GALNT15: variants seen among roughly 807,000 people sequenced by gnomAD.
The protein encoded by GALNT15 is UDP-GalNAc transferase T15.
Under a neutral mutation model 66.8 loss-of-function variants are expected in GALNT15, and 67 were observed. That is an observed-to-expected ratio of 1.00 (90% CI 0.82 to 1.23). GALNT15 has a LOEUF of 1.23. Ranked by LOEUF, GALNT15 falls within the 50% of genes most tolerant of loss-of-function variation. The pLI is 0.00. For synonymous variants in GALNT15, 313 were observed against 311.5 expected (o/e 1.00, Z -0.05); for missense variants, 827 against 804.3 (o/e 1.03, Z -0.34).
rs1444603795 is a variant in GALNT15, at chr3:16,176,128, T to C, written c.539+438T>C. ...ACACTCTGACTCCACTACATTTTGA[T>C]TTTAGGGTTATTGTTAGTGTTTGCT... On this transcript the variant is annotated intron_variant, in intron 1 of 9. Coordinates refer to ENST00000339732, the MANE Select transcript of GALNT15 (RefSeq NM_054110.5). The surrounding 1 kb of genome is among the most constrained non-coding windows in gnomAD (Gnocchi z 5.6). 6.6e-6 allele frequency among the ~76,000 whole-genome samples: 1 copy of C among 152,178 alleles called. No individual in the cohort carries two copies. Among genetic ancestry groups the C allele is most frequent in the East Asian group, 1.9e-4 (1 of 5,194 alleles).
At chr3:16,234,216 G>A (rs2124916591), downstream of GALNT15, among the ~76,000 whole-genome samples, 1 of 152,322 alleles carries the variant, frequency 6.6e-6, no homozygotes, top group Middle Eastern at 3.4e-3. Flanking sequence ...CTATAGTAGT[G>A]ACACTGAGTG....
the GALNT15 span, among the ~76,000 whole-genome samples, chr3:16,240,293 A>C: frequency 6.6e-6 from 1 of 152,254 alleles, no homozygotes; most frequent in Non-Finnish European, 1.5e-5. Flanking sequence ...AATATTTATT[A>C]AATATCTGTT....
chr3:16,241,779 C>G, the GALNT15 span, among the ~76,000 whole-genome samples: 5 of 152,130 alleles, frequency 3.3e-5, no homozygotes, highest in Non-Finnish European at 7.3e-5. The surrounding 1 kb of genome is among the most constrained non-coding windows in gnomAD (Gnocchi z 4.6). Flanking sequence ...AACTCCTGAC[C>G]TCAGGTGATC....
Position 16,225,267 on chromosome 3 carries a change from C to T in GALNT15, c.1774-2087C>T, listed in dbSNP as rs2063993759. 6.6e-6 allele frequency among the ~76,000 whole-genome samples: 1 copy of T among 152,216 alleles called. No homozygotes were observed. Among genetic ancestry groups the T allele is most frequent in the Non-Finnish European group, 1.5e-5 (1 of 68,040 alleles). On this transcript the variant is annotated intron_variant, in intron 9 of 9. Transcript: ENST00000339732. The surrounding 1 kb of genome is among the most constrained non-coding windows in gnomAD (Gnocchi z 4.4). ...GATCCAAACATCCCCCACCAAACCC[C>T]ACCTCCAGCACTGGGAATTACAATT...
chr3:16,229,352 A>T lies in GALNT15; in HGVS notation c.*1852A>T, dbSNP rs562482147. On this transcript the variant is annotated 3_prime_UTR_variant, in exon 10 of 10. Transcript: ENST00000339732. ...AAAATCAAAGAAAATTTAAAACTCA[A>T]TTCCTCAATTGGGCTGGCCACATTT... The T allele has an allele frequency of 1.1e-6, 1 of 872,844 alleles. No individual in the cohort carries two copies. Among genetic ancestry groups the T allele is most frequent in the African/African-American group, 1.8e-5 (1 of 54,890 alleles). The allele number at this position is 872,844 out of a possible 1,614,324, so 54.1% of individuals were successfully genotyped here. A position where few individuals can be genotyped will look rare whatever the true frequency, so the allele number is the denominator to read the frequency against.
At chr3:16,213,554 G>A (rs1053629542) in intron 6 of GALNT15, among the ~76,000 whole-genome samples, 7 of 151,972 alleles carry the variant, frequency 4.6e-5, no homozygotes, top group African/African-American at 1.7e-4. Context: ...TTGGTCAGTG[G>A]CTGCTCAGCC....
chr3:16,193,669 G>C lies in GALNT15; in HGVS notation c.540-2091G>C, dbSNP rs1037571486. 1.3e-5 allele frequency among the ~76,000 whole-genome samples: 2 copies of C among 152,138 alleles called. No individual in the cohort carries two copies. The highest frequency in any genetic ancestry group is 2.9e-5 in the Non-Finnish European group (2 of 68,020). On this transcript the variant is annotated intron_variant, in intron 1 of 9. Transcript: ENST00000339732. The surrounding 1 kb of genome is among the most constrained non-coding windows in gnomAD (Gnocchi z 4.7). ...CCAAGCTAGGGAGCAGCAAGAGTTG[G>C]CACATCTTAGAAGGTGTTTCCCTCA...
rs916450251 is a variant in GALNT15 at position 16,219,315 on chromosome 3, G to A, written c.1393-88G>A. 2.1e-5 allele frequency: 33 copies of A among 1,545,876 alleles called. No individual in the cohort carries two copies. In the African/African-American group the frequency reaches 4.3e-4, roughly 20 times the overall value. On this transcript the variant is annotated intron_variant, in intron 6 of 9. Transcript: ENST00000339732. This position sits in a 1 kb window ranked among gnomAD's most constrained non-coding sequence, Gnocchi z 4.3. ...CCCTTCCTTCTGTCCTGATCCTTTA[G>A]CTTCTTCCCAGCCACTCCATCCCCA...
chr3:16,196,647 C>T (rs2063642029), intron 2 of GALNT15, among the ~76,000 whole-genome samples: 1 of 152,176 alleles, frequency 6.6e-6, no homozygotes, highest in Admixed American at 6.5e-5. Flanking sequence ...AGGGCCCACC[C>T]CCAGAGTTTC....
chr3:16,238,037 C>T, the GALNT15 span, among the ~76,000 whole-genome samples: 4 of 152,218 alleles, frequency 2.6e-5, no homozygotes, highest in African/African-American at 9.7e-5. This position sits in a 1 kb window ranked among gnomAD's most constrained non-coding sequence, Gnocchi z 4.8. Flanking sequence ...TTTCCCTACA[C>T]TGTTATTCAG....
intron 4 of GALNT15, among the ~76,000 whole-genome samples, chr3:16,210,615 C>T (rs184136882): frequency 4.5e-4 from 69 of 152,218 alleles, no homozygotes; most frequent in African/African-American, 1.5e-3. Flanking sequence ...GTATTTTTCC[C>T]CTAGGGCAGT....
At chr3:16,217,832 G>C (rs909152583) in intron 6 of GALNT15, among the ~76,000 whole-genome samples, 1 of 152,144 alleles carries the variant, frequency 6.6e-6, no homozygotes, top group Non-Finnish European at 1.5e-5. Flanking sequence ...CTCTGGGAAA[G>C]GTCTACGGAG....
At chr3:16,185,844 G>C (rs987919577) in intron 1 of GALNT15, among the ~76,000 whole-genome samples, 1 of 152,098 alleles carries the variant, frequency 6.6e-6, no homozygotes, top group African/African-American at 2.4e-5. Flanking sequence ...CTTTAAACAG[G>C]TCATTTAAGC....
chr3:16,221,380 C>A (rs759728350), intron 8 of GALNT15, among the ~76,000 whole-genome samples: 1 of 151,438 alleles, frequency 6.6e-6, no homozygotes, highest in Non-Finnish European at 1.5e-5. Flanking sequence ...TATGAAACAC[C>A]CTTTTTCATG....
chr3:16,206,369 G>A (rs28480083), intron 3 of GALNT15, among the ~76,000 whole-genome samples: 11,306 of 148,876 alleles, frequency 0.076, 617 homozygotes, highest in African/African-American at 0.15. Context: ...GCGACAGAGT[G>A]AGACCATTTA....
Position 16,228,133 on chromosome 3 carries a change from G to A in GALNT15, c.*633G>A, listed in dbSNP as rs2064043035. On this transcript the variant is annotated 3_prime_UTR_variant, in exon 10 of 10. Transcript: ENST00000339732. ...AGCTGAAAAGCTTCAAGAGATCTAGGAAAAGACATTTTCATGTTAATGAGA... is the reference window on the plus strand; with the variant it reads ...AGCTGAAAAGCTTCAAGAGATCTAGAAAAAGACATTTTCATGTTAATGAGA... 1.2e-5 allele frequency: 12 copies of A among 985,968 alleles called. No individual in the cohort carries two copies. The highest frequency in any genetic ancestry group is 1.4e-5 in the Non-Finnish European group (12 of 830,030). 61.1% of individuals were successfully genotyped at this position (985,968 alleles called of 1,614,324 possible). A position where few individuals can be genotyped will look rare whatever the true frequency, so the allele number is the denominator to read the frequency against.
rs2064033076 is a variant in GALNT15 at position 16,227,402 on chromosome 3, G to A, written c.1822G>A (p.Val608Met). The change falls in exon 10 of 10, where the codon GTG (valine) becomes ATG (methionine). Residue 608 changes from valine to methionine, a missense_variant. Physicochemically the swap from Val to Met is conservative, Grantham distance 21. Coordinates refer to ENST00000339732, the MANE Select transcript of GALNT15 (RefSeq NM_054110.5). This position sits in a 1 kb window ranked among gnomAD's most constrained non-coding sequence, Gnocchi z 4.5. ...ILSGKCMEAV[V>M]QENNKDLYLR... is the part of the protein sequence containing the mutation. Reference sequence around the variant, plus strand: ...TTCTGGGAAATGCATGGAAGCTGTGGTGCAAGAAAACAATAAAGATTTGTA... The same window carrying A: ...TTCTGGGAAATGCATGGAAGCTGTGATGCAAGAAAACAATAAAGATTTGTA... 2.5e-6 allele frequency: 4 copies of A among 1,614,058 alleles called. No homozygotes were observed. Among genetic ancestry groups the A allele is most frequent in the Non-Finnish European group, 3.4e-6 (4 of 1,179,986 alleles).
At chr3:16,240,349 G>A in the GALNT15 span, among the ~76,000 whole-genome samples, 1 of 152,184 alleles carries the variant, frequency 6.6e-6, no homozygotes, top group Non-Finnish European at 1.5e-5. Context: ...TGTGTTTTCT[G>A]AACCACTGGC....
intron 2 of GALNT15, among the ~76,000 whole-genome samples, chr3:16,197,026 A>C (rs1448488512): frequency 7.9e-5 from 12 of 152,214 alleles, no homozygotes; most frequent in Non-Finnish European, 1.5e-4. Context: ...TCCTGGGTGC[A>C]GCTGGCTGCA....
Sources: allele counts gnomAD v4.1 joint callset (sites outside exome capture counted in the v4.1 genomes callset), GRCh38; gene constraint gnomAD v4.1.1; non-coding constraint Gnocchi (gnomAD v3.1); transcripts MANE v1.5; gene names NCBI Gene and HGNC (gene_info 2026-07-23, HGNC 2026-07-21).